KCNH7: variants seen among roughly 807,000 people sequenced by gnomAD.
The protein encoded by KCNH7 is potassium voltage-gated channel subfamily H member 7, also known as voltage-gated inwardly rectifying potassium channel KCNH7.
KCNH7 carries 49 observed loss-of-function variants against 120.8 expected under a neutral mutation model. The ratio of observed to expected loss-of-function variants is 0.41; its 90% CI spans 0.32 to 0.51. KCNH7 has a LOEUF of 0.51. KCNH7 is among the 20% of genes least tolerant of loss of function. KCNH7 has a pLI of 0.38. For synonymous variants in KCNH7, 547 were observed against 516.1 expected (o/e 1.06, Z -0.81); for missense variants, 1,097 against 1,446.6 (o/e 0.76, Z 3.92).
chr2:162,426,990 T>G (rs891178274), intron 8 of KCNH7, among the ~76,000 whole-genome samples: 4 of 152,118 alleles, frequency 2.6e-5, no homozygotes, highest in Non-Finnish European at 5.9e-5. Context: ...TGTACATTTG[T>G]GACTGACTTC....
chr2:162,398,443 T>C (rs1686977997), intron 10 of KCNH7, among the ~76,000 whole-genome samples: 2 of 151,938 alleles, frequency 1.3e-5, no homozygotes, highest in East Asian at 3.9e-4. Context: ...CTTCCAAAAA[T>C]AGGATAAATG....
At chr2:162,547,761 T>TGTGGGTGACCTAA (rs147424984) in intron 2 of KCNH7, among the ~76,000 whole-genome samples, 6 of 152,048 alleles carry the variant, frequency 3.9e-5, no homozygotes, top group African/African-American at 1.4e-4. Flanking sequence ...TAATAGGTGA[T>TGTGGGTGACCTAA]GTCACACAAA....
intron 6 of KCNH7, among the ~76,000 whole-genome samples, chr2:162,464,800 T>TA (rs1262049617): frequency 9.2e-5 from 14 of 152,072 alleles, no homozygotes; most frequent in Admixed American, 2.6e-4. Context: ...AATTTTACCT[T>TA]ACTGATAAAT....
At chr2:162,612,785 A>T (rs1574169230) in intron 2 of KCNH7, among the ~76,000 whole-genome samples, 1 of 152,084 alleles carries the variant, frequency 6.6e-6, no homozygotes, top group South Asian at 2.1e-4. Context: ...GAAAAGAACA[A>T]TTTTTTTGAA....
chr2:162,576,872 A>G (rs1207217941), intron 2 of KCNH7, among the ~76,000 whole-genome samples: 20 of 151,936 alleles, frequency 1.3e-4, no homozygotes, highest in Admixed American at 1.3e-3. Context: ...GTACTTTATT[A>G]TAAACTCTTC....
chr2:162,781,918 C>A (rs1683508220), intron 2 of KCNH7, among the ~76,000 whole-genome samples: 1 of 152,170 alleles, frequency 6.6e-6, no homozygotes. Flanking sequence ...ATGAATATTT[C>A]TTCACATTGC....
At chr2:162,741,399 A>G (rs896001753) in intron 2 of KCNH7, among the ~76,000 whole-genome samples, 5 of 151,402 alleles carry the variant, frequency 3.3e-5, no homozygotes, top group African/African-American at 7.3e-5. Context: ...GCAAAAAATG[A>G]GAGCAAAAGC....
intron 2 of KCNH7, among the ~76,000 whole-genome samples, chr2:162,783,036 C>G (rs1683558477): frequency 6.6e-6 from 1 of 152,200 alleles, no homozygotes; most frequent in Non-Finnish European, 1.5e-5. Flanking sequence ...TAACTCTTCA[C>G]TATGCATCCA....
At chr2:162,545,647 C>A (rs538882948) in intron 2 of KCNH7, among the ~76,000 whole-genome samples, 15 of 152,128 alleles carry the variant, frequency 9.9e-5, no homozygotes, top group Non-Finnish European at 2.1e-4. Context: ...TCCTCATAAG[C>A]TTGTTCTAAG....
chr2:162,461,028 T>C (rs1054178294), intron 6 of KCNH7, among the ~76,000 whole-genome samples: 1 of 152,228 alleles, frequency 6.6e-6, no homozygotes, highest in Non-Finnish European at 1.5e-5. Context: ...TCCTCATCAC[T>C]TGTGGCAAAT....
chr2:162,394,584 T>C, intron 11 of KCNH7, 99 bp from the exon 12 acceptor site: 1 of 700,966 alleles, frequency 1.4e-6, no homozygotes. Flanking sequence ...GTTTCAACCA[T>C]CTTGAGACTT....
intron 6 of KCNH7, among the ~76,000 whole-genome samples, chr2:162,468,067 T>G (rs959278112): frequency 6.6e-6 from 1 of 152,222 alleles, no homozygotes; most frequent in African/African-American, 2.4e-5. Context: ...ACCACAGAAC[T>G]GACTCTGTCA....
At chr2:162,617,933 T>C (rs546347696) in intron 2 of KCNH7, among the ~76,000 whole-genome samples, 1 of 152,188 alleles carries the variant, frequency 6.6e-6, no homozygotes, top group Admixed American at 6.5e-5. Context: ...AATGAATACT[T>C]ATGATTTTGG....
At position 162,583,251 on chromosome 2, in the gene KCNH7, G is replaced by A. The variant is rs138353413; in HGVS notation, c.308-46171C>T. Among the ~76,000 whole-genome samples the A allele has an allele frequency of 2.6e-5, 4 of 152,146 alleles. No homozygotes were observed. In the East Asian group the frequency reaches 7.8e-4, roughly 30 times the overall value. On this transcript the variant is annotated intron_variant, in intron 2 of 15. Coordinates refer to ENST00000332142, the MANE Select transcript of KCNH7 (RefSeq NM_033272.4). The stretch of plus-strand genomic sequence containing the variant: ...ATGGTTAGTAGCAAGAGAAGATACA[G>A]ATTTCCAATAGTAAGGAGACTGAGA...
chr2:162,467,170 A>G (rs572544968), intron 6 of KCNH7, among the ~76,000 whole-genome samples: 2 of 152,358 alleles, frequency 1.3e-5, no homozygotes, highest in African/African-American at 2.4e-5. Flanking sequence ...TTTAGGAAAG[A>G]GTTCAGTCAG....
chr2:162,517,927 G>A lies in KCNH7; in HGVS notation c.695C>T (p.Ser232Phe), dbSNP rs1691368249. Residue 232 changes from serine (S) to phenylalanine (F), a missense_variant, in exon 4 of 16, where the codon TCC becomes TTC. Ser to Phe is a radical substitution (Grantham distance 155). This residue lies in a region of KCNH7 where 362 missense variants were observed against 372.2 expected (regional missense o/e 0.97). Transcript: ENST00000332142. ...GGGAGAGGAATGGTCAAGAGGTCCG[G>A]ATATATTCACCAAGGGAGAACATTT... Reference protein sequence around the residue: ...PSKCSPLVNISGPLDHSSPKR... With the variant: ...PSKCSPLVNIFGPLDHSSPKR... The A allele has an allele frequency of 6.2e-7, 1 of 1,612,406 alleles. No homozygotes were observed. The highest frequency in any genetic ancestry group is 8.5e-7 in the Non-Finnish European group (1 of 1,178,906).
intron 2 of KCNH7, among the ~76,000 whole-genome samples, chr2:162,808,898 A>T (rs1238244689): frequency 4.6e-5 from 7 of 152,212 alleles, no homozygotes; most frequent in African/African-American, 1.2e-4. Context: ...TTTGGATGGG[A>T]TAAGTAATCA....
At chr2:162,576,339 G>T (rs1202876892) in intron 2 of KCNH7, among the ~76,000 whole-genome samples, 1 of 151,986 alleles carries the variant, frequency 6.6e-6, no homozygotes, top group African/African-American at 2.4e-5. Flanking sequence ...CACCTTTCTA[G>T]CTTTCATTTT....
chr2:162,609,323 A>G (rs1271650989), intron 2 of KCNH7, among the ~76,000 whole-genome samples: 2 of 152,216 alleles, frequency 1.3e-5, no homozygotes, highest in African/African-American at 4.8e-5. Flanking sequence ...GAGTTCTTCT[A>G]TACTTCATAA....
Sources: gnomAD v4.1 joint callset for allele counts (sites outside exome capture counted in the v4.1 genomes callset) on GRCh38, gnomAD v4.1.1 for gene constraint, gnomAD v4.1.1 regional missense constraint, MANE v1.5 for transcripts, NCBI Gene and HGNC (gene_info 2026-07-23, HGNC 2026-07-21) for gene names.